GIMAP5: variants seen among roughly 807,000 people sequenced by gnomAD.
The protein encoded by GIMAP5 is GTPase IMAP family member 5.
In GIMAP5, 8 loss-of-function variants were observed where a neutral mutation model predicts 9.9. The ratio of observed to expected loss-of-function variants is 0.81; its 90% CI spans 0.47 to 1.45. GIMAP5 has a LOEUF of 1.45. Ranked by LOEUF, GIMAP5 falls within the 40% of genes most tolerant of loss-of-function variation. The probability of loss-of-function intolerance (pLI) is 0.00; values close to 1 mark genes in which losing one functional copy is unlikely to be tolerated. For missense variants in GIMAP5, 353 were observed against 367.4 expected (o/e 0.96, Z 0.32); for synonymous variants, 174 against 151.4 (o/e 1.15, Z -1.09).
chr7:150,741,489 C>A (rs1048777443), intron 2 of GIMAP5, among the ~76,000 whole-genome samples: 2 of 152,156 alleles, frequency 1.3e-5, no homozygotes, highest in African/African-American at 4.8e-5. Context: ...TTGTGTGCTT[C>A]AATCAGCCAC....
At chr7:150,742,162 A>G in intron 2 of GIMAP5, 21 bp from the exon 3 acceptor site, 1 of 1,605,360 alleles carries the variant, frequency 6.2e-7, no homozygotes, top group African/African-American at 1.3e-5. Flanking sequence ...TTAGTAAGAT[A>G]CAAAACTTCG....
chr7:150,739,224 T>C (rs1236406132), intron 1 of GIMAP5: 2 of 152,220 alleles, frequency 1.3e-5, no homozygotes, highest in East Asian at 3.8e-4. Flanking sequence ...GTACACATGT[T>C]CCAAGAGGTT....
At position 150,742,412 on chromosome 7, in the gene GIMAP5, C is replaced by T. The variant is rs759011; in HGVS notation, c.273C>T (p.Ala91=). The part of the protein sequence containing the change: ...VDTPSIFESQ[A]DTQELYKNIG... ...CGCCCTCCATCTTTGAGTCACAGGC[C>T]GATACCCAAGAGCTGTACAAGAACA... The change falls in exon 3 of 3, where the codon GCC becomes GCT. Residue 91 remains alanine, a synonymous_variant. Coordinates refer to ENST00000358647, the MANE Select transcript of GIMAP5 (RefSeq NM_018384.5). 0.32 allele frequency: 516,794 copies of T among 1,613,836 alleles called. 86,078 individuals are homozygous for T. The highest frequency in any genetic ancestry group is 0.56 in the African/African-American group (41,676 of 74,908).
chr7:150,740,998 C>G, intron 2 of GIMAP5, 71 bp downstream of exon 2: 2 of 1,539,168 alleles, frequency 1.3e-6, no homozygotes, highest in Non-Finnish European at 1.8e-6. Context: ...CCATCTACCC[C>G]CATCTAAAAC....
At position 150,743,000 on chromosome 7, in the gene GIMAP5, T is replaced by G; in HGVS notation, c.861T>G (p.Val287=). The G allele has an allele frequency of 6.2e-7, 1 of 1,613,950 alleles. No individual in the cohort carries two copies. Among genetic ancestry groups the G allele is most frequent in the South Asian group, 1.1e-5 (1 of 91,078 alleles). Reference sequence around the variant, plus strand: ...TGCTTTTGCATTATGAGATTTTTGTTTTTCTATTGTTGTGCAGCATACTTT... The same window carrying G: ...TGCTTTTGCATTATGAGATTTTTGTGTTTCTATTGTTGTGCAGCATACTTT... The part of the protein sequence containing the change: ...HLMLLHYEIF[V]FLLLCSILFF... The change falls in exon 3 of 3, where the codon GTT becomes GTG. Residue 287 remains valine (V), a synonymous_variant. Transcript: ENST00000358647.
At position 150,742,722 on chromosome 7, in the gene GIMAP5, GAGCAGAGGCAGC is replaced by G; in HGVS notation, c.589_600del (p.Arg197_Gln200del). 3.1e-6 allele frequency: 5 copies of G among 1,614,202 alleles called. No homozygotes were observed. Among genetic ancestry groups the G allele is most frequent in the Non-Finnish European group, 4.2e-6 (5 of 1,180,032 alleles). On this transcript the variant is annotated inframe_deletion, in exon 3 of 3. Coordinates refer to ENST00000358647, the MANE Select transcript of GIMAP5 (RefSeq NM_018384.5). Reference sequence around the variant, plus strand: ...CTTCAACAACTGGGGCTCTGTGGAGGAGCAGAGGCAGCAGCAGGCAGAGCTCCTGGCTGTGAT... The same window carrying G: ...CTTCAACAACTGGGGCTCTGTGGAGGAGCAGGCAGAGCTCCTGGCTGTGAT...
rs144725030 is a variant in GIMAP5, at chr7:150,741,557, C to T, written c.44-626C>T. Among the ~76,000 whole-genome samples the T allele has an allele frequency of 8.3e-4, 127 of 152,298 alleles. 3 individuals are homozygous for T. In the East Asian group the frequency reaches 0.022, roughly 26 times the overall value. On this transcript the variant is annotated intron_variant, in intron 2 of 2. Transcript: ENST00000358647. ...TGAGCTTATCTTCCACCTTTTTGAGCCATCCACCCTAGGGTCATCTCCCAG... is the reference window on the plus strand; with the variant it reads ...TGAGCTTATCTTCCACCTTTTTGAGTCATCCACCCTAGGGTCATCTCCCAG...
At position 150,742,801 on chromosome 7, in the gene GIMAP5, A is replaced by G. The variant is rs776346628; in HGVS notation, c.662A>G (p.Asn221Ser). Residue 221 changes from asparagine (N) to serine (S), a missense_variant, in exon 3 of 3, where the codon AAT becomes AGT. Physicochemically the swap from Asn to Ser is conservative, Grantham distance 46 (BLOSUM62 1). Transcript: ENST00000358647. ...GAGCGAGAGGGCTCCTTCCACAGCA[A>G]TGACCTCTTCTTGGATGCCCAGCTG... is the stretch of plus-strand genomic sequence containing the variant. Reference protein sequence around the residue: ...GREREGSFHSNDLFLDAQLLQ... With the variant: ...GREREGSFHSSDLFLDAQLLQ... 6 of 1,614,162 alleles carry G rather than the reference A, an allele frequency of 3.7e-6. No homozygotes were observed. The highest frequency in any genetic ancestry group is 3.3e-5 in the South Asian group (3 of 91,082).
chr7:150,740,900 A>G lies in GIMAP5; in HGVS notation c.16A>G (p.Arg6Gly), dbSNP rs1030663740. The G allele has an allele frequency of 6.2e-7, 1 of 1,614,080 alleles. No individual in the cohort carries two copies. Among genetic ancestry groups the G allele is most frequent in the Non-Finnish European group, 8.5e-7 (1 of 1,179,952 alleles). The change falls in exon 2 of 3, where the codon AGG becomes GGG. Residue 6 changes from arginine (R) to glycine (G), a missense_variant. Physicochemically the swap from Arg to Gly is moderately radical, Grantham distance 125. Transcript: ENST00000358647. ...CCAGGAGAGAATGGGAGGATTCCAG[A>G]GGGGCAAATATGGAACTATGGCTGA... is the stretch of plus-strand genomic sequence containing the variant. MGGFQ[R>G]GKYGTMAEGR...
Position 150,737,698 on chromosome 7 carries a change from A to C in GIMAP5, c.-17A>C. On this transcript the variant is annotated 5_prime_UTR_variant, in exon 1 of 3. Coordinates refer to ENST00000358647, the MANE Select transcript of GIMAP5 (RefSeq NM_018384.5). Reference sequence around the variant, plus strand: ...GCCACCCTGGAGGACAGGGCACAACAACCGTTTCTGGTAAGGAGAACTGGG... The same window carrying C: ...GCCACCCTGGAGGACAGGGCACAACCACCGTTTCTGGTAAGGAGAACTGGG... 1 of 1,535,452 alleles carries C rather than the reference A, an allele frequency of 6.5e-7. No individual in the cohort carries two copies. The highest frequency in any genetic ancestry group is 8.7e-7 in the Non-Finnish European group (1 of 1,146,768).
At chr7:150,739,285 A>C (rs144992842) in intron 1 of GIMAP5, 87 of 152,322 alleles carry the variant, frequency 5.7e-4, no homozygotes, top group African/African-American at 2.1e-3. Flanking sequence ...ATCAAGGACA[A>C]TACACAGCAA....
chr7:150,740,880 A>G lies in GIMAP5; in HGVS notation c.-5A>G. On this transcript the variant is annotated splice_region_variant and 5_prime_UTR_variant, in exon 2 of 3. Transcript: ENST00000358647. ...ATCCTTTTCCTGTTTTTATTCCAGGAGAGAATGGGAGGATTCCAGAGGGGC... is the reference window on the plus strand; with the variant it reads ...ATCCTTTTCCTGTTTTTATTCCAGGGGAGAATGGGAGGATTCCAGAGGGGC... 1 of 1,614,116 alleles carries G rather than the reference A, an allele frequency of 6.2e-7. No individual in the cohort carries two copies. The highest frequency in any genetic ancestry group is 8.5e-7 in the Non-Finnish European group (1 of 1,179,988).
At position 150,742,736 on chromosome 7, in the gene GIMAP5, G is replaced by A. The variant is rs61751036; in HGVS notation, c.597G>A (p.Gln199=). 1,422 of 1,614,180 alleles carry A rather than the reference G, an allele frequency of 8.8e-4. 9 individuals carry two copies. The African/African-American group carries it at 0.016, about 18-fold the overall frequency. ...GCTCTGTGGAGGAGCAGAGGCAGCA[G>A]CAGGCAGAGCTCCTGGCTGTGATTG... is the stretch of plus-strand genomic sequence containing the variant. ...NWGSVEEQRQ[Q]QAELLAVIER... is the part of the protein sequence containing the mutation. Residue 199 remains glutamine, a synonymous_variant, in exon 3 of 3, where the codon CAG becomes CAA. Coordinates refer to ENST00000358647, the MANE Select transcript of GIMAP5 (RefSeq NM_018384.5).
Position 150,743,260 on chromosome 7 carries a change from T to G in GIMAP5, c.*197T>G. The G allele has an allele frequency of 3.2e-6, 2 of 629,134 alleles. No individual in the cohort carries two copies. 39.0% of individuals were successfully genotyped at this position (629,134 alleles called of 1,614,324 possible). On this transcript the variant is annotated 3_prime_UTR_variant, in exon 3 of 3. Transcript: ENST00000358647. ...GGCTGCCTGCCTGCTGTAAACACTA[T>G]TCCACTCTGTCTGCCAACAACTGCT...
rs61750977 is a variant in GIMAP5, at chr7:150,742,581, A to T, written c.442A>T (p.Ile148Phe). 89 of 1,614,108 alleles carry T rather than the reference A, an allele frequency of 5.5e-5. No homozygotes were observed. Among genetic ancestry groups the T allele is most frequent in the Non-Finnish European group, 6.9e-5 (82 of 1,180,048 alleles). The part of the protein sequence containing the change: ...FGTGAMRHVV[I>F]LFTHKEDLGG... ...GACAGGGGCCATGAGACATGTGGTCATCCTCTTCACCCACAAAGAGGACTT... is the reference window on the plus strand; with the variant it reads ...GACAGGGGCCATGAGACATGTGGTCTTCCTCTTCACCCACAAAGAGGACTT... Residue 148 changes from isoleucine (I) to phenylalanine (F), a missense_variant, in exon 3 of 3, where the codon ATC becomes TTC. Coordinates refer to ENST00000358647, the MANE Select transcript of GIMAP5 (RefSeq NM_018384.5).
At chr7:150,738,022 T>G in intron 1 of GIMAP5, 2 of 382,808 alleles carry the variant, frequency 5.2e-6, no homozygotes, top group East Asian at 5.6e-5. Context: ...ACTGATCCTC[T>G]CATCAGTGGG....
At chr7:150,740,696 A>T in intron 1 of GIMAP5, 183 bp from the exon 2 acceptor site, 1 of 587,962 alleles carries the variant, frequency 1.7e-6, no homozygotes, top group South Asian at 2.2e-5. Flanking sequence ...AACATCTAAC[A>T]TCACCTGCTT....
intron 2 of GIMAP5, among the ~76,000 whole-genome samples, chr7:150,741,317 C>T (rs750351598): frequency 6.6e-6 from 1 of 152,018 alleles, no homozygotes; most frequent in Admixed American, 6.5e-5. Context: ...AACGAAGAAC[C>T]AACCCAGAGT....
chr7:150,738,380 A>AT (rs1319695698), intron 1 of GIMAP5: 4 of 152,548 alleles, frequency 2.6e-5, no homozygotes, highest in Non-Finnish European at 5.9e-5. Flanking sequence ...AAAACACATG[A>AT]TTCCAATACC....
Sources: allele counts gnomAD v4.1 joint callset (sites outside exome capture counted in the v4.1 genomes callset), GRCh38; gene constraint gnomAD v4.1.1; transcripts MANE v1.5; gene names NCBI Gene and HGNC (gene_info 2026-07-23, HGNC 2026-07-21).